SWSAP1: variants seen among roughly 807,000 people sequenced by gnomAD.
The protein encoded by SWSAP1 is SWIM-type zinc finger 7 associated protein 1.
In SWSAP1, 4 loss-of-function variants were observed where a neutral mutation model predicts 5.6. That is an observed-to-expected ratio of 0.72 (90% CI 0.35 to 1.64). The LOEUF is 1.64. SWSAP1 is among the 40% of genes most tolerant of loss of function. The probability of loss-of-function intolerance (pLI) is 0.05; values close to 1 mark genes in which losing one functional copy is unlikely to be tolerated. For missense variants in SWSAP1, 354 were observed against 319.8 expected (o/e 1.11, Z -0.82); for synonymous variants, 139 against 143.3 (o/e 0.97, Z 0.22).
chr19:11,374,895 G>C lies in SWSAP1; in HGVS notation c.215G>C (p.Gly72Ala), dbSNP rs747927947. 1.2e-6 allele frequency: 2 copies of C among 1,613,998 alleles called. No homozygotes were observed. Among genetic ancestry groups the C allele is most frequent in the East Asian group, 4.5e-5 (2 of 44,882 alleles). ...AGGCCTCTTCAAAGCATGCCCCGCGGGACCGGAACGACTCTAGACCCAATG... is the reference window on the plus strand; with the variant it reads ...AGGCCTCTTCAAAGCATGCCCCGCGCGACCGGAACGACTCTAGACCCAATG... Reference protein sequence around the residue: ...TRRPLQSMPRGTGTTLDPMRL... With the variant: ...TRRPLQSMPRATGTTLDPMRL... Residue 72 changes from glycine to alanine, a missense_variant, in exon 1 of 2, where the codon GGG (glycine) becomes GCG (alanine). Coordinates refer to ENST00000674460, the MANE Select transcript of SWSAP1 (RefSeq NM_175871.4).
At position 11,374,752 on chromosome 19, in the gene SWSAP1, C is replaced by T. The variant is rs1968255304; in HGVS notation, c.72C>T (p.Ala24=). The T allele has an allele frequency of 2.5e-6, 4 of 1,609,984 alleles. No homozygotes were observed. Among genetic ancestry groups the T allele is most frequent in the African/African-American group, 1.3e-5 (1 of 74,754 alleles). Residue 24 remains alanine (A), a synonymous_variant, in exon 1 of 2, where the codon GCC becomes GCT. Coordinates refer to ENST00000674460, the MANE Select transcript of SWSAP1 (RefSeq NM_175871.4). ...AAWSGEENMP[A]AGPPLLLLGT... ...GGTCCGGGGAGGAGAACATGCCTGC[C>T]GCCGGACCGCCTTTGCTGCTGCTCG...
Position 11,374,832 on chromosome 19 carries a change from C to CG in SWSAP1, c.157dup (p.Glu53GlyfsTer53). Reference sequence around the variant, plus strand: ...CTATTTGCTGCGGCCCTAGAGGCGGCGGGGGAGGGCCAAGGCCCAGTCCTC... The same window carrying CG: ...CTATTTGCTGCGGCCCTAGAGGCGGCGGGGGGAGGGCCAAGGCCCAGTCCTC... On this transcript the variant is annotated frameshift_variant, in exon 1 of 2. Transcript: ENST00000674460. LOFTEE classifies it high-confidence loss of function. 1 of 1,573,818 alleles carries CG rather than the reference C, an allele frequency of 6.4e-7. No homozygotes were observed. The highest frequency in any genetic ancestry group is 1.7e-5 in the Admixed American group (1 of 58,536).
At chr19:11,375,477 C>T (rs1282236798) in intron 1 of SWSAP1, 36 bp from the exon 2 acceptor site, 12 of 1,568,968 alleles carry the variant, frequency 7.6e-6, no homozygotes, top group Non-Finnish European at 1.0e-5. Flanking sequence ...GCTTCCTGTG[C>T]TGAATCCGGC....
chr19:11,374,669 G>A lies in SWSAP1; in HGVS notation c.-12G>A. The A allele has an allele frequency of 6.0e-6, 9 of 1,499,374 alleles. No individual in the cohort carries two copies. In the South Asian group the frequency reaches 6.4e-5, roughly 11 times the overall value. 92.9% of individuals were successfully genotyped at this position (1,499,374 alleles called of 1,614,324 possible). The stretch of plus-strand genomic sequence containing the variant: ...GGGAACGAGCCACCGATTGGTCAGA[G>A]CTACGCGGCGAATGGCGGAGACGCT... On this transcript the variant is annotated 5_prime_UTR_variant, in exon 1 of 2. Transcript: ENST00000674460.
Position 11,375,587 on chromosome 19 carries a change from G to T in SWSAP1, c.324G>T (p.Gly108=). 6.2e-7 allele frequency: 1 copy of T among 1,614,126 alleles called. No homozygotes were observed. The highest frequency in any genetic ancestry group is 8.5e-7 in the Non-Finnish European group (1 of 1,180,038). ...TGTGCTCTGCCCATGAGGCCCCGGG[G>T]CCAGCCCCCTCCCTTCTGCTGCTCG... ...RLLCSAHEAP[G]PAPSLLLLDG... Residue 108 remains glycine (G), a synonymous_variant, in exon 2 of 2, where the codon GGG becomes GGT. Transcript: ENST00000674460.
In SWSAP1 at chr19:11,375,652, AG is replaced by A. The variant is rs1181782127; in HGVS notation, c.391del (p.Glu131LysfsTer10). On this transcript the variant is annotated frameshift_variant, in exon 2 of 2. Transcript: ENST00000674460. LOFTEE classifies it low-confidence loss of function (END_TRUNC). ...TACCTAGCGGAAGACCCAGAGCCCCAGGAAGCCGCCTACCTCATTGCCTTAC... is the reference window on the plus strand; with the variant it reads ...TACCTAGCGGAAGACCCAGAGCCCCAGAAGCCGCCTACCTCATTGCCTTAC... ...EEYLAEDPEPQEAAYLIALLL... is the reference protein window; with the variant it reads ...EEYLAEDPEPXEAAYLIALLL... 3 of 1,614,172 alleles carry A rather than the reference AG, an allele frequency of 1.9e-6. No individual in the cohort carries two copies. The highest frequency in any genetic ancestry group is 2.5e-6 in the Non-Finnish European group (3 of 1,180,038).
rs797005057 is a variant in SWSAP1, at chr19:11,375,001, AG to A, written c.249+73del. ...AGATCCGGGATATTGAGTAACAGGTAGACAAGCCAATGGAGAGGACGGTGGA... is the reference window on the plus strand; with the variant it reads ...AGATCCGGGATATTGAGTAACAGGTAACAAGCCAATGGAGAGGACGGTGGA... On this transcript the variant is annotated intron_variant, in intron 1 of 1. Coordinates refer to ENST00000674460, the MANE Select transcript of SWSAP1 (RefSeq NM_175871.4). 6.3e-6 allele frequency: 10 copies of A among 1,576,582 alleles called. No individual in the cohort carries two copies. The African/African-American group carries it at 1.2e-4, about 19-fold the overall frequency.
chr19:11,375,330 C>T (rs989115927), intron 1 of SWSAP1, among the ~76,000 whole-genome samples, 183 bp from the exon 2 acceptor site: 1 of 152,130 alleles, frequency 6.6e-6, no homozygotes, highest in African/African-American at 2.4e-5. Context: ...GCAAAAATGG[C>T]TTGCCCTCAA....
intron 1 of SWSAP1, among the ~76,000 whole-genome samples, 180 bp from the exon 2 acceptor site, chr19:11,375,333 G>T (rs914917362): frequency 1.3e-5 from 2 of 152,272 alleles, no homozygotes; most frequent in African/African-American, 4.8e-5. Flanking sequence ...AAAATGGCTT[G>T]CCCTCAACTA....
Position 11,374,765 on chromosome 19 carries a change from T to C in SWSAP1, c.85T>C (p.Leu29=), listed in dbSNP as rs762607477. 17 of 1,612,144 alleles carry C rather than the reference T, an allele frequency of 1.1e-5. No individual in the cohort carries two copies. The highest frequency in any genetic ancestry group is 1.2e-5 in the Non-Finnish European group (14 of 1,179,556). Residue 29 remains leucine, a synonymous_variant, in exon 1 of 2, where the codon TTG becomes CTG. Coordinates refer to ENST00000674460, the MANE Select transcript of SWSAP1 (RefSeq NM_175871.4). ...EENMPAAGPP[L]LLLGTPGSGK... is the part of the protein sequence containing the mutation. Reference sequence around the variant, plus strand: ...GAACATGCCTGCCGCCGGACCGCCTTTGCTGCTGCTCGGTACACCAGGATC... The same window carrying C: ...GAACATGCCTGCCGCCGGACCGCCTCTGCTGCTGCTCGGTACACCAGGATC...
intron 1 of SWSAP1, 95 bp downstream of exon 1, chr19:11,375,024 T>G (rs1599414597): frequency 6.6e-7 from 1 of 1,522,110 alleles, no homozygotes; most frequent in Non-Finnish European, 8.9e-7. Context: ...GAGAGGACGG[T>G]GGAAGAGCGA....
rs748176447 is a variant in SWSAP1, at chr19:11,375,924, C to T, written c.661C>T (p.Arg221Ter). 19 of 1,613,732 alleles carry T rather than the reference C, an allele frequency of 1.2e-5. No homozygotes were observed. The highest frequency in any genetic ancestry group is 2.2e-5 in the South Asian group (2 of 91,090). ...GPRTEWWVTF[R>*]SDGEMMIAPW... ...CAGAACAGAGTGGTGGGTGACTTTCCGATCAGATGGAGAAATGATGATCGC... is the reference window on the plus strand; with the variant it reads ...CAGAACAGAGTGGTGGGTGACTTTCTGATCAGATGGAGAAATGATGATCGC... The change falls in exon 2 of 2, where the codon CGA becomes TGA. Residue 221 changes from arginine to a stop codon, truncating the protein, a stop_gained. Transcript: ENST00000674460. LOFTEE classifies it low-confidence loss of function (END_TRUNC).
Position 11,375,615 on chromosome 19 carries a change from G to A in SWSAP1, c.352G>A (p.Gly118Ser), listed in dbSNP as rs765205118. ...GPAPSLLLLD[G>S]LEEYLAEDPE... ...AGCCCCCTCCCTTCTGCTGCTCGAC[G>A]GCCTAGAAGAGTACCTAGCGGAAGA... The change falls in exon 2 of 2, where the codon GGC (glycine) becomes AGC (serine). Residue 118 changes from glycine to serine, a missense_variant. Gly to Ser is a moderately conservative substitution (Grantham distance 56). Transcript: ENST00000674460. 2 of 1,613,956 alleles carry A rather than the reference G, an allele frequency of 1.2e-6. No homozygotes were observed. Among genetic ancestry groups the A allele is most frequent in the African/African-American group, 2.7e-5 (2 of 74,892 alleles).
In SWSAP1 at chr19:11,374,880, A is replaced by C; in HGVS notation, c.200A>C (p.Gln67Pro). 6.2e-7 allele frequency: 1 copy of C among 1,614,032 alleles called. No individual in the cohort carries two copies. Among genetic ancestry groups the C allele is most frequent in the Non-Finnish European group, 8.5e-7 (1 of 1,180,046 alleles). The change falls in exon 1 of 2, where the codon CAA becomes CCA. Residue 67 changes from glutamine (Q) to proline (P), a missense_variant. Transcript: ENST00000674460. Reference protein sequence around the residue: ...PVLFLTRRPLQSMPRGTGTTL... With the variant: ...PVLFLTRRPLPSMPRGTGTTL... Reference sequence around the variant, plus strand: ...CTCTTCCTGACACGAAGGCCTCTTCAAAGCATGCCCCGCGGGACCGGAACG... The same window carrying C: ...CTCTTCCTGACACGAAGGCCTCTTCCAAGCATGCCCCGCGGGACCGGAACG...
chr19:11,375,558 C>T lies in SWSAP1; in HGVS notation c.295C>T (p.Leu99Phe), dbSNP rs746667767. Residue 99 changes from leucine (L) to phenylalanine (F), a missense_variant, in exon 2 of 2, where the codon CTC (leucine) becomes TTC (phenylalanine). By Grantham distance (22) the Leu-to-Phe change is conservative. Transcript: ENST00000674460. ...YPPSTRELFR[L>F]LCSAHEAPGP... ...ACCCTCAACCCGAGAGCTTTTCCGG[C>T]TCCTGTGCTCTGCCCATGAGGCCCC... The T allele has an allele frequency of 1.9e-6, 3 of 1,614,024 alleles. No homozygotes were observed. Among genetic ancestry groups the T allele is most frequent in the Non-Finnish European group, 2.5e-6 (3 of 1,179,954 alleles).
chr19:11,374,686 G>A lies in SWSAP1; in HGVS notation c.6G>A (p.Ala2=). 1 of 1,532,640 alleles carries A rather than the reference G, an allele frequency of 6.5e-7. No homozygotes were observed. The highest frequency in any genetic ancestry group is 8.8e-7 in the Non-Finnish European group (1 of 1,142,336). 94.9% of individuals were successfully genotyped at this position (1,532,640 alleles called of 1,614,324 possible). M[A]ETLRRVLTRG... ...TGGTCAGAGCTACGCGGCGAATGGC[G>A]GAGACGCTGAGGCGGGTGCTAACCA... Residue 2 remains alanine, a synonymous_variant, in exon 1 of 2, where the codon GCG becomes GCA. Coordinates refer to ENST00000674460, the MANE Select transcript of SWSAP1 (RefSeq NM_175871.4).
In SWSAP1 at chr19:11,374,911, A is replaced by G. The variant is rs1350060959; in HGVS notation, c.231A>G (p.Leu77=). The G allele has an allele frequency of 6.2e-7, 1 of 1,613,910 alleles. No homozygotes were observed. Among genetic ancestry groups the G allele is most frequent in the Non-Finnish European group, 8.5e-7 (1 of 1,180,028 alleles). Residue 77 remains leucine, a synonymous_variant, in exon 1 of 2, where the codon CTA becomes CTG. Coordinates refer to ENST00000674460, the MANE Select transcript of SWSAP1 (RefSeq NM_175871.4). The part of the protein sequence containing the change: ...QSMPRGTGTT[L]DPMRLQKIRF... ...TGCCCCGCGGGACCGGAACGACTCT[A>G]GACCCAATGCGACTCCAGGTAACCG...
rs1410377247 is a variant in SWSAP1 at position 11,376,012 on chromosome 19, C to G, written c.749C>G (p.Pro250Arg). Residue 250 changes from proline (P) to arginine (R), a missense_variant, in exon 2 of 2, where the codon CCC becomes CGC. Transcript: ENST00000674460. ...SGKGSSSGGQ[P>R] ...AAGGGTTCAAGCTCTGGAGGCCAGCCCTGAGCTTTGGTGGGTGACTACCTC... is the reference window on the plus strand; with the variant it reads ...AAGGGTTCAAGCTCTGGAGGCCAGCGCTGAGCTTTGGTGGGTGACTACCTC... 6.3e-7 allele frequency: 1 copy of G among 1,591,576 alleles called. No individual in the cohort carries two copies. The highest frequency in any genetic ancestry group is 8.6e-7 in the Non-Finnish European group (1 of 1,167,150).
chr19:11,375,492 T>G (rs895907059), intron 1 of SWSAP1, 21 bp from the exon 2 acceptor site: 3 of 1,587,336 alleles, frequency 1.9e-6, no homozygotes, highest in Non-Finnish European at 1.7e-6. Context: ...TCCGGCCCTT[T>G]CCTTCTGTTT....
Sources: gnomAD v4.1 joint callset for allele counts (sites outside exome capture counted in the v4.1 genomes callset) on GRCh38, gnomAD v4.1.1 for gene constraint, MANE v1.5 for transcripts, NCBI Gene and HGNC (gene_info 2026-07-23, HGNC 2026-07-21) for gene names.